The following MGAT5 variants were observed in gnomAD, a reference collection of about 807,000 sequenced individuals.
MGAT5 encodes the protein alpha-1,6-mannosylglycoprotein 6-beta-N-acetylglucosaminyltransferase A.
Under a neutral mutation model 94.3 loss-of-function variants are expected in MGAT5, and 30 were observed. The ratio of observed to expected loss-of-function variants is 0.32; its 90% confidence interval spans 0.24 to 0.43. The LOEUF (loss-of-function observed/expected upper bound fraction) is 0.43, where lower values mean the gene tolerates loss of function less well. MGAT5 is among the 20% of genes least tolerant of loss of function. MGAT5 has a pLI of 1.00. For missense variants in MGAT5, 691 were observed against 905.5 expected (o/e 0.76, Z 3.04); for synonymous variants, 310 against 322.9 (o/e 0.96, Z 0.43).
At chr2:134,309,600 T>C (rs1280574962) in intron 2 of MGAT5, among the ~76,000 whole-genome samples, 2 of 152,212 alleles carry the variant, frequency 1.3e-5, no homozygotes, top group African/African-American at 4.8e-5. Context: ...GTAGCAATTA[T>C]TTAACCCCAG....
chr2:134,239,425 T>G (rs949033963), intron 1 of MGAT5, among the ~76,000 whole-genome samples: 1 of 152,236 alleles, frequency 6.6e-6, no homozygotes, highest in African/African-American at 2.4e-5. Flanking sequence ...ACTACTAGAA[T>G]AGAACCAAAG....
intron 13 of MGAT5, among the ~76,000 whole-genome samples, 200 bp from the exon 14 acceptor site, chr2:134,428,165 C>T (rs1257937046): frequency 6.6e-6 from 1 of 152,194 alleles, no homozygotes. Context: ...GAACCTGAGA[C>T]TTAGAGATGG....
At chr2:134,351,709 G>A (rs1679393350) in intron 9 of MGAT5, among the ~76,000 whole-genome samples, 1 of 152,070 alleles carries the variant, frequency 6.6e-6, no homozygotes, top group African/African-American at 2.4e-5. Context: ...AGAAATCAGG[G>A]AAAATTGATA....
chr2:134,311,117 C>T (rs1296299998), intron 2 of MGAT5, among the ~76,000 whole-genome samples: 2 of 152,146 alleles, frequency 1.3e-5, no homozygotes, highest in Non-Finnish European at 2.9e-5. Flanking sequence ...AGCCCTTGCT[C>T]GTGAAGTTGA....
At position 134,281,444 on chromosome 2, in the gene MGAT5, T is replaced by A. The variant is rs148072850; in HGVS notation, c.406+10894T>A. On this transcript the variant is annotated intron_variant, in intron 2 of 15. Transcript: ENST00000281923. Reference sequence around the variant, plus strand: ...GGAGGAGAATGACTGAAAGTATTGGTTGCGCTCATGTCTTTTTTGACCCTC... The same window carrying A: ...GGAGGAGAATGACTGAAAGTATTGGATGCGCTCATGTCTTTTTTGACCCTC... 9.3e-4 allele frequency among the ~76,000 whole-genome samples: 142 copies of A among 152,294 alleles called. 1 individual carries two copies. The South Asian group carries it at 0.013, about 14-fold the overall frequency.
chr2:134,374,272 G>A (rs577519811), intron 10 of MGAT5, among the ~76,000 whole-genome samples: 1 of 152,150 alleles, frequency 6.6e-6, no homozygotes, highest in African/African-American at 2.4e-5. Flanking sequence ...ATTTGCACCT[G>A]GGGGCTTACC....
intron 1 of MGAT5, among the ~76,000 whole-genome samples, chr2:134,205,737 A>C (rs546168070): frequency 6.6e-6 from 1 of 152,306 alleles, no homozygotes; most frequent in South Asian, 2.1e-4. Flanking sequence ...GACAGGGTAC[A>C]CTTGCTGAGG....
chr2:134,432,726 T>C (rs1684952574), intron 14 of MGAT5, among the ~76,000 whole-genome samples: 1 of 152,184 alleles, frequency 6.6e-6, no homozygotes, highest in African/African-American at 2.4e-5. Flanking sequence ...CTTGGGCAAG[T>C]TACCTAACAT....
chr2:134,232,030 C>T (rs1042304854), intron 1 of MGAT5, among the ~76,000 whole-genome samples: 6 of 152,280 alleles, frequency 3.9e-5, no homozygotes, highest in African/African-American at 1.4e-4. Flanking sequence ...TGGTGAATGA[C>T]ATGTCACCTT....
At chr2:134,150,222 C>T (rs565713312) in intron 1 of MGAT5, among the ~76,000 whole-genome samples, 3 of 152,256 alleles carry the variant, frequency 2.0e-5, no homozygotes, top group African/African-American at 7.2e-5. Context: ...GGCCTCCTAG[C>T]GTCTTGATAG....
At chr2:134,184,727 G>T (rs1292655297) in intron 1 of MGAT5, among the ~76,000 whole-genome samples, 1 of 151,914 alleles carries the variant, frequency 6.6e-6, no homozygotes, top group African/African-American at 2.4e-5. Flanking sequence ...AATTACTGAT[G>T]TGTCTGTACC....
chr2:134,413,230 C>G (rs1020594202), intron 12 of MGAT5, among the ~76,000 whole-genome samples: 1 of 152,186 alleles, frequency 6.6e-6, no homozygotes, highest in African/African-American at 2.4e-5. Flanking sequence ...TCTTGACACT[C>G]TACCCCCACT....
intron 10 of MGAT5, among the ~76,000 whole-genome samples, chr2:134,389,405 A>G (rs1315044952): frequency 6.6e-6 from 1 of 152,194 alleles, no homozygotes; most frequent in Non-Finnish European, 1.5e-5. Context: ...GCACTAAGCT[A>G]GCACCCTCTG....
chr2:134,437,877 T>C (rs1685256380), intron 14 of MGAT5, among the ~76,000 whole-genome samples: 1 of 152,016 alleles, frequency 6.6e-6, no homozygotes. Flanking sequence ...TAGCTGCGTG[T>C]GATGGCATGT....
chr2:134,125,625 G>A lies in MGAT5; in HGVS notation c.-143+5334G>A, dbSNP rs544905077. Among the ~76,000 whole-genome samples the A allele has an allele frequency of 4.6e-5, 7 of 152,300 alleles. No homozygotes were observed. In the East Asian group the frequency reaches 1.2e-3, roughly 25 times the overall value. On this transcript the variant is annotated intron_variant, in intron 1 of 16. Transcript: ENST00000409645. The stretch of plus-strand genomic sequence containing the variant: ...GGAACAATTGGTAACAGTTGATAAC[G>A]GGTGCCTGCCTGCTTTGTTTATAGC...
chr2:134,421,524 G>A (rs1684290738), intron 12 of MGAT5, among the ~76,000 whole-genome samples: 1 of 152,014 alleles, frequency 6.6e-6, no homozygotes, highest in Admixed American at 6.6e-5. Flanking sequence ...GGCAGAGGTT[G>A]CAGTGAGCTG....
chr2:134,428,280 C>T (rs774364800), intron 13 of MGAT5, 85 bp from the exon 14 acceptor site: 61 of 1,263,820 alleles, frequency 4.8e-5, no homozygotes, highest in Middle Eastern at 2.0e-4. Context: ...TGTTAGCACC[C>T]GTGTATTGAG....
chr2:134,387,312 ATATATATATAT>A (rs1347718813), intron 10 of MGAT5, among the ~76,000 whole-genome samples: 1 of 26,576 alleles, frequency 3.8e-5, no homozygotes, highest in Non-Finnish European at 7.4e-5. Flanking sequence ...ATATATATAT[ATATATATATAT>A]ATATATATAT....
At chr2:134,137,345 C>T (rs888088763) in intron 1 of MGAT5, among the ~76,000 whole-genome samples, 12 of 152,306 alleles carry the variant, frequency 7.9e-5, no homozygotes, top group Non-Finnish European at 1.0e-4. Context: ...CTTGGCTTCC[C>T]GCTTGCCACT....
Sources: gnomAD v4.1 joint callset for allele counts (sites outside exome capture counted in the v4.1 genomes callset) on GRCh38, gnomAD v4.1.1 for gene constraint, MANE v1.5 for transcripts, NCBI Gene and HGNC (gene_info 2026-07-23, HGNC 2026-07-21) for gene names.